Variants in DNAH14 observed in about 807,000 individuals in gnomAD.
DNAH14 encodes dynein axonemal heavy chain 14, also known as axonemal beta dynein heavy chain 14.
DNAH14 carries 478 observed loss-of-function variants against 520.9 expected under a neutral mutation model. That is an observed-to-expected ratio of 0.92 (90% CI 0.85 to 0.99). The LOEUF is 0.99. Ranked by LOEUF, DNAH14 falls within the 50% of genes least tolerant of loss-of-function variation. The probability of loss-of-function intolerance (pLI) is 0.00; values close to 1 mark genes in which losing one functional copy is unlikely to be tolerated. For missense variants in DNAH14, 4,831 were observed against 5,234.5 expected (o/e 0.92, Z 2.38); for synonymous variants, 1,581 against 1,757.2 (o/e 0.90, Z 2.51).
At position 225,123,578 on chromosome 1, in the gene DNAH14, G is replaced by T. The variant is rs756598232; in HGVS notation, c.4218G>T (p.Trp1406Cys). 3 of 433,756 alleles carry T rather than the reference G, an allele frequency of 6.9e-6. No homozygotes were observed. Among genetic ancestry groups the T allele is most frequent in the South Asian group, 5.4e-5 (3 of 55,290 alleles). The allele number at this position is 433,756 out of a possible 1,614,324, so 26.9% of individuals were successfully genotyped here. A position where few individuals can be genotyped will look rare whatever the true frequency, so the allele number is the denominator to read the frequency against. ...GGAACTGCCAGATGTTTTCCCAATGGGTGTTATCTCATCCAGGACAAGTGG... is the reference window on the plus strand; with the variant it reads ...GGAACTGCCAGATGTTTTCCCAATGTGTGTTATCTCATCCAGGACAAGTGG... ...EDWNCQMFSQ[W>C]VLSHPGQVVL... The change falls in exon 27 of 86, where the codon TGG becomes TGT. Residue 1406 changes from tryptophan (W) to cysteine (C), a missense_variant. Coordinates refer to ENST00000682510, the MANE Select transcript of DNAH14 (RefSeq NM_001367479.1).
At chr1:225,231,864 A>C (rs2091154999) in intron 42 of DNAH14, among the ~76,000 whole-genome samples, 1 of 152,170 alleles carries the variant, frequency 6.6e-6, no homozygotes, top group South Asian at 2.1e-4. Flanking sequence ...TGTAACAACA[A>C]GAAATTAAAT....
intron 19 of DNAH14, among the ~76,000 whole-genome samples, chr1:225,081,086 A>C (rs899642510): frequency 6.6e-6 from 1 of 152,218 alleles, no homozygotes; most frequent in Non-Finnish European, 1.5e-5. Context: ...ATCATTCATT[A>C]TCTTTTGGGC....
chr1:225,273,571 G>A (rs1198780329), intron 52 of DNAH14, among the ~76,000 whole-genome samples: 4 of 152,192 alleles, frequency 2.6e-5, no homozygotes, highest in African/African-American at 7.2e-5. Context: ...ACTTGAAAAT[G>A]TCTAAAACTA....
Position 225,085,807 on chromosome 1 carries a change from G to A in DNAH14, c.3573+18G>A. 1 of 1,489,508 alleles carries A rather than the reference G, an allele frequency of 6.7e-7. No homozygotes were observed. Among genetic ancestry groups the A allele is most frequent in the Non-Finnish European group, 8.9e-7 (1 of 1,121,932 alleles). 92.3% of individuals were successfully genotyped at this position (1,489,508 alleles called of 1,614,324 possible). ...CCATTAAGGTAAGTATTATGGCAAAGGAAAAATGTTTTCTTTTTCTGTAGT... is the reference window on the plus strand; with the variant it reads ...CCATTAAGGTAAGTATTATGGCAAAAGAAAAATGTTTTCTTTTTCTGTAGT... On this transcript the variant is annotated intron_variant, in intron 21 of 85. Coordinates refer to ENST00000682510, the MANE Select transcript of DNAH14 (RefSeq NM_001367479.1).
intron 81 of DNAH14, among the ~76,000 whole-genome samples, chr1:225,383,939 CT>C (rs1261630359): frequency 6.6e-6 from 1 of 152,138 alleles, no homozygotes; most frequent in Admixed American, 6.6e-5. Context: ...TATGTTGTGT[CT>C]TTGTTTTCAT....
intron 25 of DNAH14, among the ~76,000 whole-genome samples, chr1:225,118,886 CAAA>C (rs35262847): frequency 8.0e-5 from 6 of 74,626 alleles, no homozygotes; most frequent in Non-Finnish European, 9.2e-5. Flanking sequence ...CTCTCTGTCT[CAAA>C]AAAAAAAAAA....
At chr1:225,261,088 C>T (rs949257632) in intron 46 of DNAH14, among the ~76,000 whole-genome samples, 9 of 152,246 alleles carry the variant, frequency 5.9e-5, no homozygotes, top group South Asian at 2.1e-4. Flanking sequence ...AATCAGCAAG[C>T]GGACAATTTC....
intron 75 of DNAH14, among the ~76,000 whole-genome samples, chr1:225,362,086 C>T (rs951463488): frequency 1.3e-5 from 2 of 152,148 alleles, no homozygotes; most frequent in Non-Finnish European, 2.9e-5. Context: ...GGACACACCA[C>T]GGACCAGGCA....
chr1:225,240,947 A>G (rs893659037), intron 43 of DNAH14, 125 bp downstream of exon 43: 4 of 727,780 alleles, frequency 5.5e-6, no homozygotes, highest in African/African-American at 3.6e-5. Flanking sequence ...GAAGGTTTAT[A>G]ATATACCCAA....
At chr1:225,319,353 T>C (rs1343057325) in intron 61 of DNAH14, among the ~76,000 whole-genome samples, 1 of 152,188 alleles carries the variant, frequency 6.6e-6, no homozygotes, top group Non-Finnish European at 1.5e-5. Flanking sequence ...ATTTTTAGCT[T>C]GAGCTCCCCA....
chr1:225,202,256 A>G (rs1002297892), intron 38 of DNAH14, among the ~76,000 whole-genome samples: 2 of 152,154 alleles, frequency 1.3e-5, no homozygotes, highest in African/African-American at 4.8e-5. Flanking sequence ...AGAACTCCCA[A>G]GAGTATATAC....
At chr1:225,231,922 TAA>T (rs2091162053) in intron 42 of DNAH14, among the ~76,000 whole-genome samples, 1 of 152,140 alleles carries the variant, frequency 6.6e-6, no homozygotes, top group Non-Finnish European at 1.5e-5. Flanking sequence ...AAAATATGTA[TAA>T]GATATAAATA....
chr1:225,300,923 C>A lies in DNAH14; in HGVS notation c.8524C>A (p.Leu2842Met). 6.4e-7 allele frequency: 1 copy of A among 1,551,352 alleles called. No individual in the cohort carries two copies. Among genetic ancestry groups the A allele is most frequent in the Non-Finnish European group, 8.7e-7 (1 of 1,146,856 alleles). Reference protein sequence around the residue: ...YIISSGRIPDLFENVELDSIA... With the variant: ...YIISSGRIPDMFENVELDSIA... Reference sequence around the variant, plus strand: ...CATCAGTTCAGGAAGAATACCTGACCTGTTTGAAAATGTTGAGCTGGATTC... The same window carrying A: ...CATCAGTTCAGGAAGAATACCTGACATGTTTGAAAATGTTGAGCTGGATTC... Residue 2842 changes from leucine (L) to methionine (M), a missense_variant, in exon 56 of 86, where the codon CTG (leucine) becomes ATG (methionine). Physicochemically the swap from Leu to Met is conservative, Grantham distance 15 (BLOSUM62 2). Coordinates refer to ENST00000682510, the MANE Select transcript of DNAH14 (RefSeq NM_001367479.1).
intron 36 of DNAH14, among the ~76,000 whole-genome samples, chr1:225,179,982 G>C (rs569728045): frequency 6.6e-6 from 1 of 152,136 alleles, no homozygotes; most frequent in South Asian, 2.1e-4. Context: ...TCTGCTGCCA[G>C]ATGTATCAGA....
At chr1:225,378,335 A>G (rs1202713965) in intron 79 of DNAH14, among the ~76,000 whole-genome samples, 1 of 152,124 alleles carries the variant, frequency 6.6e-6, no homozygotes, top group African/African-American at 2.4e-5. Context: ...TGCCCTCTGA[A>G]GGTAAGCTTG....
At chr1:225,151,276 T>G (rs1172205811) in intron 31 of DNAH14, among the ~76,000 whole-genome samples, 1 of 152,178 alleles carries the variant, frequency 6.6e-6, no homozygotes, top group African/African-American at 2.4e-5. Flanking sequence ...CTCATGGATT[T>G]TGTTCAAACT....
At chr1:224,985,896 A>G (rs978130485) in intron 8 of DNAH14, among the ~76,000 whole-genome samples, 2 of 152,074 alleles carry the variant, frequency 1.3e-5, no homozygotes, top group African/African-American at 4.8e-5. Context: ...AAGCATGCCT[A>G]CAAGATCTAG....
Position 224,964,498 on chromosome 1 carries a change from G to A in DNAH14, c.387G>A (p.Val129=). The A allele has an allele frequency of 6.2e-7, 1 of 1,608,856 alleles. No homozygotes were observed. Among genetic ancestry groups the A allele is most frequent in the Admixed American group, 1.7e-5 (1 of 59,746 alleles). Reference sequence around the variant, plus strand: ...TACCAGAACCAAAAGATGATGATGTGATAAGAAATATTATTAGGCTACGAG... The same window carrying A: ...TACCAGAACCAAAAGATGATGATGTAATAAGAAATATTATTAGGCTACGAG... ...YDRTEPKDDD[V]IRNIIRLREK... is the part of the protein sequence containing the mutation. Residue 129 remains valine (V), a synonymous_variant, in exon 5 of 86, where the codon GTG becomes GTA. Transcript: ENST00000682510.
At chr1:225,079,185 A>G (rs1286277403) in intron 17 of DNAH14, 22 bp from the exon 18 acceptor site, 3 of 1,516,226 alleles carry the variant, frequency 2.0e-6, no homozygotes, top group Non-Finnish European at 2.6e-6. Flanking sequence ...TTACACAATT[A>G]TAATTGACAT....
Sources: gnomAD v4.1 joint callset for allele counts (sites outside exome capture counted in the v4.1 genomes callset) on GRCh38, gnomAD v4.1.1 for gene constraint, MANE v1.5 for transcripts, NCBI Gene and HGNC (gene_info 2026-07-23, HGNC 2026-07-21) for gene names.